The following WASF2 variants were observed in gnomAD, a reference collection of about 807,000 sequenced individuals.
The protein encoded by WASF2 is WASP family member 2, also known as actin-binding protein WASF2.
Under a neutral mutation model 45.0 loss-of-function variants are expected in WASF2, and 14 were observed. The observed-to-expected ratio is 0.31, with a 90% CI of 0.21 to 0.49. The LOEUF (loss-of-function observed/expected upper bound fraction) is 0.49, where lower values mean the gene tolerates loss of function less well. WASF2 is among the 20% of genes least tolerant of loss of function. The pLI is 0.99. For synonymous variants in WASF2, 200 were observed against 236.3 expected, an observed-to-expected ratio of 0.85 and a Z score of 1.41; for missense variants, 439 against 636.1, an observed-to-expected ratio of 0.69 and a Z score of 3.33.
At position 27,487,195 on chromosome 1, in the gene WASF2, G is replaced by A. The variant is rs548081960; in HGVS notation, c.-44+2791C>T. 5.0e-4 allele frequency among the ~76,000 whole-genome samples: 73 copies of A among 145,860 alleles called. 1 individual carries two copies. In the South Asian group the frequency reaches 0.014, roughly 29 times the overall value. The stretch of plus-strand genomic sequence containing the variant: ...GGTTCACTGCAAACTCCGCCTCCCG[G>A]GTTCACACCATTCTCCTGCCTCAGC... On this transcript the variant is annotated intron_variant, in intron 1 of 8. Coordinates refer to ENST00000618852, the MANE Select transcript of WASF2 (RefSeq NM_006990.5).
At chr1:27,457,014 T>G (rs1424909009) in intron 1 of WASF2, among the ~76,000 whole-genome samples, 1 of 151,840 alleles carries the variant, frequency 6.6e-6, no homozygotes, top group Non-Finnish European at 1.5e-5. Context: ...AGTGCTGGGA[T>G]TTACAGGCGT....
At chr1:27,460,950 A>C (rs1022507670) in intron 1 of WASF2, among the ~76,000 whole-genome samples, 1 of 152,106 alleles carries the variant, frequency 6.6e-6, no homozygotes, top group Non-Finnish European at 1.5e-5. Flanking sequence ...CATCCTGGCT[A>C]ACACAGTGAA....
intron 1 of WASF2, among the ~76,000 whole-genome samples, chr1:27,480,576 G>A (rs189886454): frequency 2.1e-4 from 32 of 151,994 alleles, no homozygotes; most frequent in African/African-American, 7.7e-4. Context: ...CTGAGTACTT[G>A]CTAGAACAAA....
chr1:27,471,575 C>A (rs1164854180), intron 1 of WASF2, among the ~76,000 whole-genome samples: 1 of 152,022 alleles, frequency 6.6e-6, no homozygotes, highest in African/African-American at 2.4e-5. Context: ...CTGCAGAAAG[C>A]CGAGATGGCG....
At chr1:27,480,050 G>A (rs534199002) in intron 1 of WASF2, among the ~76,000 whole-genome samples, 14 of 152,268 alleles carry the variant, frequency 9.2e-5, no homozygotes, top group East Asian at 3.9e-4. Context: ...CACAGATGCC[G>A]TTGGTATTCA....
rs558305893 is a variant in WASF2 at position 27,414,200 on chromosome 1, T to A, written c.668+633A>T. ...CACCAGGATAAGCATCAAACCAAGC[T>A]TTAAAACCATCTTTTTCCCCCTTTA... On this transcript the variant is annotated intron_variant, in intron 6 of 8. Transcript: ENST00000618852. This position sits in a 1 kb window ranked among gnomAD's most constrained non-coding sequence, Gnocchi z 4.1. Among the ~76,000 whole-genome samples, 12 of 152,186 alleles carry A rather than the reference T, an allele frequency of 7.9e-5. No homozygotes were observed. The highest frequency in any genetic ancestry group is 2.9e-4 in the African/African-American group (12 of 41,462).
In WASF2 at chr1:27,410,342, C is replaced by A. The variant is rs2016745638; in HGVS notation, c.825-136G>T. The A allele has an allele frequency of 1.4e-6, 2 of 1,450,286 alleles. No individual in the cohort carries two copies. Among genetic ancestry groups the A allele is most frequent in the Admixed American group, 4.9e-5 (2 of 40,552 alleles). The allele number at this position is 1,450,286 out of a possible 1,614,324, so 89.8% of individuals were successfully genotyped here. A position where few individuals can be genotyped will look rare whatever the true frequency, so the allele number is the denominator to read the frequency against. On this transcript the variant is annotated intron_variant, in intron 7 of 8. Transcript: ENST00000618852. The surrounding 1 kb of genome is among the most constrained non-coding windows in gnomAD (Gnocchi z 4.2). Reference sequence around the variant, plus strand: ...ACTTTCACTTAAACAGAAAGAAAAGCCTACAGATGGTCATAACAGACCAAT... The same window carrying A: ...ACTTTCACTTAAACAGAAAGAAAAGACTACAGATGGTCATAACAGACCAAT...
intron 2 of WASF2, among the ~76,000 whole-genome samples, chr1:27,423,148 A>G (rs1260927548): frequency 1.3e-5 from 2 of 152,060 alleles, no homozygotes; most frequent in Non-Finnish European, 2.9e-5. Flanking sequence ...CTCAAAAAAA[A>G]AAAAAAAAAA....
At chr1:27,417,680 GT>G (rs1216997232) in intron 4 of WASF2, among the ~76,000 whole-genome samples, 6 of 152,166 alleles carry the variant, frequency 3.9e-5, no homozygotes, top group Non-Finnish European at 5.9e-5. Flanking sequence ...TCTTTTTCAA[GT>G]CCAGGCACAG....
Position 27,415,965 on chromosome 1 carries a change from AG to A in WASF2, c.537+19del, listed in dbSNP as rs780864051. 2 of 1,595,878 alleles carry A rather than the reference AG, an allele frequency of 1.3e-6. No individual in the cohort carries two copies. Among genetic ancestry groups the A allele is most frequent in the African/African-American group, 1.3e-5 (1 of 74,594 alleles). ...AATCGTGCCTACTGATGTGGAGAAC[AG>A]AGGCCCCTTTCCCCTCACCCTATGC... On this transcript the variant is annotated intron_variant, in intron 5 of 8. Transcript: ENST00000618852.
chr1:27,452,948 G>A (rs1359432226), intron 1 of WASF2, among the ~76,000 whole-genome samples: 1 of 151,036 alleles, frequency 6.6e-6, no homozygotes, highest in East Asian at 2.0e-4. Flanking sequence ...GCTCACGCCT[G>A]TAATCCCAGC....
chr1:27,476,018 T>C (rs1214945247), intron 1 of WASF2, among the ~76,000 whole-genome samples: 2 of 152,238 alleles, frequency 1.3e-5, no homozygotes, highest in Non-Finnish European at 1.5e-5. Flanking sequence ...TCAAGATCAC[T>C]GAGTTGTATC....
intron 1 of WASF2, among the ~76,000 whole-genome samples, chr1:27,443,387 G>C (rs1343415977): frequency 6.6e-6 from 1 of 151,420 alleles, no homozygotes; most frequent in Non-Finnish European, 1.5e-5. Context: ...GCTGAGGTGG[G>C]TGGATCACCT....
At chr1:27,416,404 CCA>C (rs764220107) in intron 4 of WASF2, among the ~76,000 whole-genome samples, 2 of 152,160 alleles carry the variant, frequency 1.3e-5, no homozygotes, top group Non-Finnish European at 2.9e-5. Context: ...ATCTGCATGG[CCA>C]CAGAGATCTC....
chr1:27,412,486 C>T, intron 7 of WASF2, 86 bp downstream of exon 7: 6 of 1,559,540 alleles, frequency 3.8e-6, no homozygotes, highest in Non-Finnish European at 4.4e-6. Context: ...GCTGGGATTA[C>T]AGGCGTGAGC....
chr1:27,482,109 G>A (rs957377970), intron 1 of WASF2, among the ~76,000 whole-genome samples: 1 of 152,152 alleles, frequency 6.6e-6, no homozygotes, highest in Non-Finnish European at 1.5e-5. Context: ...ATTCTGTAAA[G>A]TACCATTCAT....
chr1:27,444,984 T>C (rs1162129269), intron 1 of WASF2, among the ~76,000 whole-genome samples: 1 of 152,210 alleles, frequency 6.6e-6, no homozygotes, highest in African/African-American at 2.4e-5. Flanking sequence ...ATGCTGAACC[T>C]CTTTTATAGC....
chr1:27,425,273 C>T (rs984808163), intron 2 of WASF2, among the ~76,000 whole-genome samples: 9 of 151,932 alleles, frequency 5.9e-5, no homozygotes, highest in Admixed American at 5.9e-4. Flanking sequence ...ATTTTTGTAG[C>T]GACAGGGTCT....
intron 1 of WASF2, among the ~76,000 whole-genome samples, chr1:27,456,796 G>A (rs1041186914): frequency 2.7e-5 from 4 of 148,090 alleles, no homozygotes; most frequent in African/African-American, 1.0e-4. Flanking sequence ...ATGCAATGGT[G>A]CGATCTCAGC....
Sources: allele counts gnomAD v4.1 joint callset (sites outside exome capture counted in the v4.1 genomes callset), GRCh38; gene constraint gnomAD v4.1.1; non-coding constraint Gnocchi (gnomAD v3.1); transcripts MANE v1.5; gene names NCBI Gene and HGNC (gene_info 2026-07-23, HGNC 2026-07-21).